Variants in FAM184B observed in about 807,000 individuals in gnomAD.
The protein encoded by FAM184B is protein FAM184B.
FAM184B carries 111 observed loss-of-function variants against 135.9 expected under a neutral mutation model. That is an observed-to-expected ratio of 0.82 (90% CI 0.70 to 0.96). FAM184B has a LOEUF of 0.96. Ranked by LOEUF, FAM184B falls within the 40% of genes least tolerant of loss-of-function variation. The pLI, the probability that FAM184B is intolerant of heterozygous loss-of-function variation, is 0.00. For missense variants in FAM184B, 1,375 were observed against 1,323.9 expected, an observed-to-expected ratio of 1.04 and a Z score of -0.60; for synonymous variants, 552 against 524.8, an observed-to-expected ratio of 1.05 and a Z score of -0.71.
At chr4:17,710,936 G>A (rs1034571461) in intron 1 of FAM184B, among the ~76,000 whole-genome samples, 2 of 152,198 alleles carry the variant, frequency 1.3e-5, no homozygotes, top group African/African-American at 2.4e-5. Context: ...AATGTCCAGC[G>A]CTCAGAGGAG....
At chr4:17,753,665 T>A (rs759285728) in intron 1 of FAM184B, among the ~76,000 whole-genome samples, 1 of 152,204 alleles carries the variant, frequency 6.6e-6, no homozygotes, top group Non-Finnish European at 1.5e-5. Context: ...CTGAGAGGGC[T>A]GTATATGCAA....
chr4:17,681,706 G>A (rs1364822159), intron 7 of FAM184B, among the ~76,000 whole-genome samples: 1 of 152,140 alleles, frequency 6.6e-6, no homozygotes, highest in African/African-American at 2.4e-5. Flanking sequence ...ACACTTTCAG[G>A]CCTGGAGAGC....
intron 1 of FAM184B, among the ~76,000 whole-genome samples, chr4:17,742,170 T>TATATATA (rs1560190745): frequency 8.2e-6 from 1 of 121,520 alleles, no homozygotes; most frequent in African/African-American, 3.9e-5. Context: ...ATATATATAT[T>TATATATA]TTTTTTTTTT....
chr4:17,653,006 G>T, intron 10 of FAM184B, 23 bp from the exon 11 acceptor site: 1 of 1,551,190 alleles, frequency 6.4e-7, no homozygotes, highest in Non-Finnish European at 8.7e-7. Flanking sequence ...GTGGGAACAA[G>T]AAGGCATGAA....
chr4:17,764,615 GC>G (rs1040459162), intron 1 of FAM184B, among the ~76,000 whole-genome samples: 2 of 152,202 alleles, frequency 1.3e-5, no homozygotes, highest in African/African-American at 4.8e-5. Context: ...AAGTTTAACA[GC>G]GAAAAGTCCA....
At chr4:17,760,084 A>G (rs868058999) in intron 1 of FAM184B, among the ~76,000 whole-genome samples, 1 of 152,118 alleles carries the variant, frequency 6.6e-6, no homozygotes, top group African/African-American at 2.4e-5. Context: ...ACAAATTATC[A>G]CCTGAGCCTA....
At chr4:17,633,113 G>A (rs1289449851) in intron 17 of FAM184B, 1 of 155,108 alleles carries the variant, frequency 6.4e-6, no homozygotes, top group Admixed American at 6.3e-5. Context: ...TGTAGAGATG[G>A]GTTTCACCAT....
chr4:17,637,715 A>G (rs1223918834), intron 14 of FAM184B, among the ~76,000 whole-genome samples: 1 of 152,132 alleles, frequency 6.6e-6, no homozygotes, highest in Admixed American at 6.6e-5. Flanking sequence ...CAGACAGGTG[A>G]CATTTAAACT....
At chr4:17,655,690 G>A (rs760261905) in intron 10 of FAM184B, among the ~76,000 whole-genome samples, 4 of 152,172 alleles carry the variant, frequency 2.6e-5, no homozygotes, top group East Asian at 1.9e-4. Flanking sequence ...GGTAAGCTAC[G>A]TAAGGACACA....
At chr4:17,671,165 C>T (rs1475048786) in intron 7 of FAM184B, among the ~76,000 whole-genome samples, 1 of 152,126 alleles carries the variant, frequency 6.6e-6, no homozygotes, top group African/African-American at 2.4e-5. Context: ...AGATTCAGAA[C>T]ACACTCTTGC....
chr4:17,657,325 C>T lies in FAM184B; in HGVS notation c.2037+1025G>A, dbSNP rs113779010. Among the ~76,000 whole-genome samples, 18 of 152,346 alleles carry T rather than the reference C, an allele frequency of 1.2e-4. 1 individual carries two copies. Among genetic ancestry groups the T allele is most frequent in the African/African-American group, 3.8e-4 (16 of 41,586 alleles). ...ACAGCTCTTCCAGAGCCCTCAGTTCCTTGCTGCAGCCTGGACTGAGCTGTT... is the reference window on the plus strand; with the variant it reads ...ACAGCTCTTCCAGAGCCCTCAGTTCTTTGCTGCAGCCTGGACTGAGCTGTT... On this transcript the variant is annotated intron_variant, in intron 10 of 17. Transcript: ENST00000265018.
chr4:17,760,234 G>C (rs1425218929), intron 1 of FAM184B, among the ~76,000 whole-genome samples: 2 of 152,108 alleles, frequency 1.3e-5, no homozygotes, highest in African/African-American at 4.8e-5. Context: ...GGGAGGCCGA[G>C]GTGGGCAGAT....
At chr4:17,678,593 A>G (rs941105482) in intron 7 of FAM184B, among the ~76,000 whole-genome samples, 1 of 152,196 alleles carries the variant, frequency 6.6e-6, no homozygotes, top group Non-Finnish European at 1.5e-5. Context: ...TGTGAAAATG[A>G]TCATACTGCC....
chr4:17,644,347 G>T (rs1279851496), intron 12 of FAM184B, among the ~76,000 whole-genome samples: 1 of 152,106 alleles, frequency 6.6e-6, no homozygotes, highest in Non-Finnish European at 1.5e-5. Flanking sequence ...TAAAAGACTG[G>T]CAAACCAAAT....
intron 10 of FAM184B, among the ~76,000 whole-genome samples, chr4:17,657,523 G>A (rs944808318): frequency 1.2e-4 from 18 of 152,286 alleles, no homozygotes; most frequent in South Asian, 2.1e-4. Flanking sequence ...TGAGAAAGCC[G>A]TGTTTAAGCC....
chr4:17,702,586 G>C (rs1443210879), intron 5 of FAM184B, among the ~76,000 whole-genome samples: 1 of 152,160 alleles, frequency 6.6e-6, no homozygotes, highest in African/African-American at 2.4e-5. Flanking sequence ...ATAAACCCTA[G>C]ATTGGAGGCC....
Position 17,652,873 on chromosome 4 carries a change from C to T in FAM184B, c.2148G>A (p.Gln716=). 6.4e-7 allele frequency: 1 copy of T among 1,551,760 alleles called. No individual in the cohort carries two copies. The highest frequency in any genetic ancestry group is 8.7e-7 in the Non-Finnish European group (1 of 1,147,014). ...GTGCCTGCATCCTCTCACGCTCCTC[C>T]TGCAGCTCTTGCCTGGCCTTTTCCT... ...ALEEKARQEL[Q]EERERMQAQQ... is the part of the protein sequence containing the mutation. Residue 716 remains glutamine, a synonymous_variant, in exon 11 of 18, where the codon CAG becomes CAA. Transcript: ENST00000265018.
intron 1 of FAM184B, among the ~76,000 whole-genome samples, chr4:17,713,577 A>G (rs1717336366): frequency 6.6e-6 from 1 of 152,256 alleles, no homozygotes. Context: ...GGTGCTATAT[A>G]CACATTCACA....
At chr4:17,703,039 T>C (rs559644609) in intron 5 of FAM184B, among the ~76,000 whole-genome samples, 19 of 152,346 alleles carry the variant, frequency 1.2e-4, no homozygotes, top group African/African-American at 4.3e-4. Flanking sequence ...TGTGTTGATA[T>C]ATAACATCTT....
Sources: allele counts gnomAD v4.1 joint callset (sites outside exome capture counted in the v4.1 genomes callset), GRCh38; gene constraint gnomAD v4.1.1; transcripts MANE v1.5; gene names NCBI Gene and HGNC (gene_info 2026-07-23, HGNC 2026-07-21).